Variants in COG5 observed in about 807,000 individuals in gnomAD.
COG5 encodes conserved oligomeric Golgi complex subunit 5.
A neutral mutation model predicts 110.4 loss-of-function variants in COG5; 86 were observed. That is an observed-to-expected ratio of 0.78 (90% confidence interval 0.65 to 0.93). The LOEUF (loss-of-function observed/expected upper bound fraction) is 0.93, where lower values mean the gene tolerates loss of function less well. COG5 is among the 40% of genes least tolerant of loss of function. The probability of loss-of-function intolerance (pLI) is 0.00; values close to 1 mark genes in which losing one functional copy is unlikely to be tolerated. For missense variants in COG5, 1,077 were observed against 987.0 expected, an observed-to-expected ratio of 1.09 and a Z score of -1.22; for synonymous variants, 360 against 334.6, an observed-to-expected ratio of 1.08 and a Z score of -0.83.
rs113490690 is a variant in COG5, at chr7:107,281,414, AAC to A, written c.1476-17_1476-16del. On this transcript the variant is annotated splice_polypyrimidine_tract_variant and intron_variant, in intron 13 of 21. Coordinates refer to ENST00000297135, the MANE Select transcript of COG5 (RefSeq NM_006348.5). ...CATTTAGTTCACTGGAGAAAATGAA[AAC>A]AGTTTTTAAATATTAGCAACATCAT... 2.5e-6 allele frequency: 4 copies of A among 1,573,082 alleles called. No individual in the cohort carries two copies. In the African/African-American group the frequency reaches 4.0e-5, roughly 16 times the overall value.
intron 6 of COG5, among the ~76,000 whole-genome samples, chr7:107,428,946 G>T (rs192599311): frequency 6.6e-6 from 1 of 152,262 alleles, no homozygotes; most frequent in African/African-American, 2.4e-5. Context: ...AGTTAGGAAG[G>T]TAGAACAAAA....
chr7:107,422,718 C>G (rs1339198943), intron 6 of COG5, among the ~76,000 whole-genome samples: 11 of 148,726 alleles, frequency 7.4e-5, no homozygotes, highest in East Asian at 2.0e-4. Flanking sequence ...AGCCATGACT[C>G]TGTGTGTGTT....
intron 7 of COG5, among the ~76,000 whole-genome samples, chr7:107,393,556 G>T (rs1231537369): frequency 6.6e-6 from 1 of 152,100 alleles, no homozygotes; most frequent in Non-Finnish European, 1.5e-5. Flanking sequence ...GCTACCAAGG[G>T]GGTGGGCCCA....
chr7:107,466,875 G>A (rs996410878), intron 6 of COG5, among the ~76,000 whole-genome samples: 2 of 152,114 alleles, frequency 1.3e-5, no homozygotes, highest in African/African-American at 4.8e-5. Context: ...CCTTAAAATT[G>A]TTTCAAAGTA....
At chr7:107,400,174 T>C (rs997967010) in intron 7 of COG5, among the ~76,000 whole-genome samples, 3 of 152,108 alleles carry the variant, frequency 2.0e-5, no homozygotes, top group African/African-American at 7.2e-5. Context: ...TGCTCATCAA[T>C]AGGTGAACGT....
intron 7 of COG5, among the ~76,000 whole-genome samples, chr7:107,411,928 A>G (rs1792330959): frequency 6.6e-6 from 1 of 152,178 alleles, no homozygotes; most frequent in Non-Finnish European, 1.5e-5. Context: ...TAATACATCA[A>G]TACCTTTGAA....
chr7:107,562,098 G>A (rs1803843684), intron 1 of COG5, among the ~76,000 whole-genome samples: 1 of 152,224 alleles, frequency 6.6e-6, no homozygotes, highest in Non-Finnish European at 1.5e-5. Context: ...TAGGTTTGAT[G>A]GGCAAGAAAT....
intron 16 of COG5, among the ~76,000 whole-genome samples, chr7:107,255,962 T>A (rs757376182): frequency 6.6e-6 from 1 of 152,052 alleles, no homozygotes; most frequent in Non-Finnish European, 1.5e-5. Flanking sequence ...GAGCAAGATA[T>A]TATTTCTAAG....
At chr7:107,373,205 A>G (rs2129050344) in intron 7 of COG5, among the ~76,000 whole-genome samples, 1 of 152,284 alleles carries the variant, frequency 6.6e-6, no homozygotes, top group South Asian at 2.1e-4. Flanking sequence ...TGACCCATTA[A>G]TTCATTCTAA....
chr7:107,406,366 G>C (rs1440308337), intron 7 of COG5, among the ~76,000 whole-genome samples: 1 of 152,026 alleles, frequency 6.6e-6, no homozygotes, highest in East Asian at 1.9e-4. Context: ...ATAGGCCACT[G>C]GTTAAATAAC....
intron 21 of COG5, among the ~76,000 whole-genome samples, chr7:107,204,241 T>C (rs1361343511): frequency 6.6e-6 from 1 of 152,158 alleles, no homozygotes; most frequent in Non-Finnish European, 1.5e-5. Context: ...AGGTTGGGGG[T>C]TAGCAAACTG....
chr7:107,348,002 T>C lies in COG5; in HGVS notation c.1026+14031A>G, dbSNP rs182866578. Among the ~76,000 whole-genome samples the C allele has an allele frequency of 3.3e-3, 494 of 151,648 alleles. 4 individuals carry two copies. The highest frequency in any genetic ancestry group is 0.011 in the African/African-American group (469 of 41,314). On this transcript the variant is annotated intron_variant, in intron 10 of 21. Transcript: ENST00000297135. ...ATAGCTAGGGGTGGTGGCACACACC[T>C]GTAGTCCCAGCTACTCAGGAGGCTG...
At chr7:107,515,040 A>G (rs1191743304) in intron 6 of COG5, among the ~76,000 whole-genome samples, 1 of 152,170 alleles carries the variant, frequency 6.6e-6, no homozygotes, top group African/African-American at 2.4e-5. Context: ...GGAGATTCTA[A>G]CAAGCTACAG....
intron 11 of COG5, among the ~76,000 whole-genome samples, chr7:107,309,493 A>G (rs1808027597): frequency 6.6e-6 from 1 of 152,170 alleles, no homozygotes; most frequent in African/African-American, 2.4e-5. Context: ...CTTTTTGCAG[A>G]GCCCAGTGGG....
At chr7:107,539,461 A>G (rs982692035) in intron 5 of COG5, among the ~76,000 whole-genome samples, 2 of 152,360 alleles carry the variant, frequency 1.3e-5, no homozygotes, top group Admixed American at 1.3e-4. Flanking sequence ...ATGAATGATC[A>G]ATTTCCATGA....
intron 6 of COG5, among the ~76,000 whole-genome samples, chr7:107,415,859 T>A (rs1405783759): frequency 9.6e-6 from 1 of 104,240 alleles, no homozygotes; most frequent in Non-Finnish European, 2.0e-5. Context: ...TACACACACA[T>A]ACACGTATGT....
intron 7 of COG5, among the ~76,000 whole-genome samples, chr7:107,395,689 G>C (rs903610855): frequency 6.6e-6 from 1 of 151,590 alleles, no homozygotes; most frequent in African/African-American, 2.4e-5. Flanking sequence ...CAAGTAGCTG[G>C]GATTACAGGC....
At chr7:107,464,381 T>A (rs952497525) in intron 6 of COG5, among the ~76,000 whole-genome samples, 1 of 152,066 alleles carries the variant, frequency 6.6e-6, no homozygotes, top group Non-Finnish European at 1.5e-5. Flanking sequence ...GCCTAGAGAG[T>A]GAGCAATAAC....
At chr7:107,318,157 A>G (rs1808926886) in intron 11 of COG5, among the ~76,000 whole-genome samples, 1 of 152,094 alleles carries the variant, frequency 6.6e-6, no homozygotes, top group Non-Finnish European at 1.5e-5. Flanking sequence ...CCTCCGGAGC[A>G]GCTGGGACTA....
Sources: gnomAD v4.1 joint callset for allele counts (sites outside exome capture counted in the v4.1 genomes callset) on GRCh38, gnomAD v4.1.1 for gene constraint, MANE v1.5 for transcripts, NCBI Gene and HGNC (gene_info 2026-07-23, HGNC 2026-07-21) for gene names.